DMD: variants seen among roughly 807,000 people sequenced by gnomAD.
DMD encodes the protein mutant dystrophin.
A neutral mutation model predicts 330.1 loss-of-function variants in DMD; 63 were observed. The ratio of observed to expected loss-of-function variants is 0.19; its 90% CI spans 0.16 to 0.24. The LOEUF (loss-of-function observed/expected upper bound fraction) is 0.24, where lower values mean the gene tolerates loss of function less well. Among genes scored for constraint, DMD ranks in the 10% least tolerant of loss-of-function variants. The probability of loss-of-function intolerance (pLI) is 1.00; values close to 1 mark genes in which losing one functional copy is unlikely to be tolerated. For synonymous variants in DMD, 1,223 were observed against 959.8 expected, an observed-to-expected ratio of 1.27 and a Z score of -5.07; for missense variants, 3,344 against 2,684.1, an observed-to-expected ratio of 1.25 and a Z score of -5.43.
In DMD at chrX:32,375,824, T is replaced by C. The variant is rs187662504; in HGVS notation, c.4845+4686A>G. Among the ~76,000 whole-genome samples the C allele has an allele frequency of 8.9e-5, 10 of 112,216 alleles. No individual in the cohort carries two copies. The East Asian group carries it at 1.4e-3, about 16-fold the overall frequency. On this transcript the variant is annotated intron_variant, in intron 34 of 78. Coordinates refer to ENST00000357033, the MANE Select transcript of DMD (RefSeq NM_004006.3). The stretch of plus-strand genomic sequence containing the variant: ...ACATTTAAGGTGTTTCCAATTTTAC[T>C]ATATTTCTCAAGAAGCTTGATTTTT...
At chrX:31,300,253 G>A (rs780871943) in intron 62 of DMD, among the ~76,000 whole-genome samples, 172 of 112,360 alleles carry the variant, frequency 1.5e-3, no homozygotes, top group Non-Finnish European at 2.9e-3. Context: ...TATGGAAGGT[G>A]CAACACGCAT....
chrX:32,596,459 C>T (rs1357736815), intron 12 of DMD, among the ~76,000 whole-genome samples: 1 of 111,692 alleles, frequency 9.0e-6, no homozygotes, highest in Non-Finnish European at 1.9e-5. Flanking sequence ...TCTTACTTGA[C>T]ATGTTGATTA....
chrX:33,101,504 G>C (rs1410631141), intron 1 of DMD, among the ~76,000 whole-genome samples: 1 of 111,964 alleles, frequency 8.9e-6, no homozygotes, highest in African/African-American at 3.2e-5. Flanking sequence ...GGTGGCACAT[G>C]CCTGTAGTCC....
chrX:31,915,582 C>A (rs1431587930), intron 47 of DMD, among the ~76,000 whole-genome samples: 5 of 111,890 alleles, frequency 4.5e-5, no homozygotes, highest in African/African-American at 6.5e-5. Flanking sequence ...GTTCATAACT[C>A]TATCCTCATT....
chrX:32,823,021 T>C (rs893940450), intron 5 of DMD, among the ~76,000 whole-genome samples: 7 of 111,642 alleles, frequency 6.3e-5, no homozygotes, highest in Non-Finnish European at 1.1e-4. Flanking sequence ...GTGAAAAAAA[T>C]TACTCACCTA....
intron 44 of DMD, among the ~76,000 whole-genome samples, chrX:32,162,844 T>C (rs1469592518): frequency 1.8e-5 from 2 of 109,129 alleles, no homozygotes; most frequent in Non-Finnish European, 3.8e-5. Context: ...ACTCCCAAAG[T>C]GCTGGGATTA....
intron 62 of DMD, among the ~76,000 whole-genome samples, chrX:31,315,476 G>C (rs1457606693): frequency 4.5e-5 from 5 of 112,315 alleles, no homozygotes; most frequent in Non-Finnish European, 7.5e-5. Flanking sequence ...TGTGACTACT[G>C]GTTTTTTTCT....
intron 37 of DMD, among the ~76,000 whole-genome samples, chrX:32,353,161 A>G (rs2097787468): frequency 1.8e-5 from 2 of 111,235 alleles, no homozygotes; most frequent in African/African-American, 6.5e-5. Flanking sequence ...CCATATGATT[A>G]ATAGTCTTTG....
chrX:32,009,851 T>C (rs1372465745), intron 44 of DMD, among the ~76,000 whole-genome samples: 1 of 112,037 alleles, frequency 8.9e-6, no homozygotes, highest in Admixed American at 9.5e-5. Context: ...TCCAACCACA[T>C]GGTGATAAAA....
intron 59 of DMD, among the ~76,000 whole-genome samples, chrX:31,471,147 C>T (rs780747951): frequency 9.0e-6 from 1 of 110,937 alleles, no homozygotes; most frequent in African/African-American, 3.3e-5. Context: ...GTCCCCTTTC[C>T]AGGGGAGTGA....
At chrX:31,830,252 A>G (rs1316620296) in intron 49 of DMD, among the ~76,000 whole-genome samples, 2 of 112,849 alleles carry the variant, frequency 1.8e-5, no homozygotes, top group East Asian at 5.5e-4. Flanking sequence ...TAAAAAGCCA[A>G]ACAACTTAAA....
chrX:31,627,605 C>A, intron 55 of DMD, 68 bp downstream of exon 55: 1 of 1,118,170 alleles, frequency 8.9e-7, no homozygotes, highest in South Asian at 1.9e-5. Flanking sequence ...TTGTCAGTTA[C>A]AAGTACAAAT....
intron 44 of DMD, among the ~76,000 whole-genome samples, chrX:32,043,304 A>G (rs973854186): frequency 3.6e-5 from 4 of 112,331 alleles, no homozygotes; most frequent in Non-Finnish European, 7.5e-5. Context: ...AGAGATAGAC[A>G]TAACTGTCAG....
At chrX:33,267,609 T>C (rs2053067265) in intron 1 of DMD, among the ~76,000 whole-genome samples, 1 of 111,599 alleles carries the variant, frequency 9.0e-6, no homozygotes, top group Non-Finnish European at 1.9e-5. Context: ...TACTTCACCC[T>C]ACAATAATTC....
At chrX:31,971,014 C>T (rs773745816) in intron 44 of DMD, among the ~76,000 whole-genome samples, 2 of 111,588 alleles carry the variant, frequency 1.8e-5, no homozygotes, top group Admixed American at 9.5e-5. Flanking sequence ...TATACCATAG[C>T]GGTGCTTCCT....
intron 45 of DMD, among the ~76,000 whole-genome samples, chrX:31,962,597 T>C (rs1306332143): frequency 8.9e-6 from 1 of 112,075 alleles, no homozygotes; most frequent in East Asian, 2.8e-4. Context: ...GAAAATATAG[T>C]AATGAGTGCC....
intron 1 of DMD, among the ~76,000 whole-genome samples, chrX:33,077,108 C>G (rs1375668034): frequency 9.0e-6 from 1 of 110,956 alleles, no homozygotes; most frequent in Non-Finnish European, 1.9e-5. Context: ...TGCAAAATAT[C>G]TCAAGCACTG....
At chrX:32,556,634 C>T (rs2050337270) in intron 16 of DMD, among the ~76,000 whole-genome samples, 1 of 111,613 alleles carries the variant, frequency 9.0e-6, no homozygotes, top group Admixed American at 9.5e-5. Flanking sequence ...GCCACAAACA[C>T]GAACGAGTCA....
intron 59 of DMD, among the ~76,000 whole-genome samples, chrX:31,463,411 A>T (rs1466446747): frequency 8.9e-6 from 1 of 112,245 alleles, no homozygotes; most frequent in Non-Finnish European, 1.9e-5. Context: ...AAATTATTCA[A>T]TGCCATTACT....
Sources: gnomAD v4.1 joint callset for allele counts (sites outside exome capture counted in the v4.1 genomes callset) on GRCh38, gnomAD v4.1.1 for gene constraint, MANE v1.5 for transcripts, NCBI Gene and HGNC (gene_info 2026-07-23, HGNC 2026-07-21) for gene names.